RYR3: variants seen among roughly 807,000 people sequenced by gnomAD.
RYR3 encodes brain ryanodine receptor-calcium release channel.
RYR3 carries 207 observed loss-of-function variants against 584.3 expected under a neutral mutation model. The observed-to-expected ratio is 0.35, with a 90% CI of 0.32 to 0.40. RYR3 has a LOEUF of 0.40. Ranked by LOEUF, RYR3 falls within the 10% of genes least tolerant of loss-of-function variation. The pLI is 1.00. For synonymous variants in RYR3, 2,416 were observed against 2,248.5 expected (o/e 1.07, Z -2.11); for missense variants, 5,616 against 6,089.2 (o/e 0.92, Z 2.59).
At chr15:33,607,695 T>C (rs1479309304) in intron 18 of RYR3, among the ~76,000 whole-genome samples, 2 of 152,200 alleles carry the variant, frequency 1.3e-5, no homozygotes, top group African/African-American at 4.8e-5. Flanking sequence ...CAGCCCTCAA[T>C]GCTATAATTT....
Position 33,742,430 on chromosome 15 carries a change from T to G in RYR3, c.7885T>G (p.Trp2629Gly). The G allele has an allele frequency of 6.2e-7, 1 of 1,608,916 alleles. No individual in the cohort carries two copies. The highest frequency in any genetic ancestry group is 8.5e-7 in the Non-Finnish European group (1 of 1,175,288). The change falls in exon 52 of 104, where the codon TGG (tryptophan) becomes GGG (glycine). Residue 2629 changes from tryptophan (W) to glycine (G), a missense_variant. Physicochemically the swap from Trp to Gly is radical, Grantham distance 184. Transcript: ENST00000634891. ...GTATGCTGAGCATTCACATGATAAATGGGCCTGTGACAAGGTAGGGATTAT... is the reference window on the plus strand; with the variant it reads ...GTATGCTGAGCATTCACATGATAAAGGGGCCTGTGACAAGGTAGGGATTAT... ...TKYAEHSHDK[W>G]ACDKSQSGWK...
At chr15:33,717,880 G>A (rs2067618677) in intron 43 of RYR3, among the ~76,000 whole-genome samples, 2 of 152,052 alleles carry the variant, frequency 1.3e-5, no homozygotes, top group Admixed American at 6.5e-5. Flanking sequence ...TTAATAAATG[G>A]GCAAACAATT....
chr15:33,835,096 G>A (rs1047520504), intron 87 of RYR3, 24 bp downstream of exon 87: 16 of 1,544,950 alleles, frequency 1.0e-5, no homozygotes, highest in African/African-American at 6.8e-5. Context: ...TTCCCTGCAC[G>A]TGTCATTGTT....
In RYR3 at chr15:33,731,770, T is replaced by C. The variant is rs1288078489; in HGVS notation, c.7424+76T>C. 3.8e-6 allele frequency: 4 copies of C among 1,043,812 alleles called. No homozygotes were observed. The East Asian group carries it at 7.7e-5, about 20-fold the overall frequency. The allele number at this position is 1,043,812 out of a possible 1,614,324, so 64.7% of individuals were successfully genotyped here. On this transcript the variant is annotated intron_variant, in intron 48 of 103. Transcript: ENST00000634891. ...GCATTTTCCTATGTAATCTAAAAAC[T>C]GGTGGTCTAGTCTAAGGAAGCTTCC... is the stretch of plus-strand genomic sequence containing the variant.
intron 1 of RYR3, among the ~76,000 whole-genome samples, chr15:33,423,135 T>C (rs1353969335): frequency 1.3e-5 from 2 of 152,200 alleles, no homozygotes; most frequent in Admixed American, 1.3e-4. Context: ...ATAGAGACTT[T>C]GCAACCATTA....
intron 1 of RYR3, among the ~76,000 whole-genome samples, chr15:33,316,340 C>G (rs1018641208): frequency 6.6e-6 from 1 of 152,196 alleles, no homozygotes; most frequent in African/African-American, 2.4e-5. Context: ...GCCATCAACT[C>G]CATCATCTTC....
intron 40 of RYR3, 130 bp downstream of exon 40, chr15:33,698,126 A>C: frequency 1.5e-6 from 1 of 665,274 alleles, no homozygotes; most frequent in Non-Finnish European, 2.8e-6. Flanking sequence ...GGATAGGCAC[A>C]GTGCCAAGAA....
At chr15:33,366,411 A>G (rs1205525214) in intron 1 of RYR3, among the ~76,000 whole-genome samples, 1 of 152,188 alleles carries the variant, frequency 6.6e-6, no homozygotes, top group Non-Finnish European at 1.5e-5. Context: ...TGAATGGCAT[A>G]ATAAAAAAAG....
At chr15:33,721,317 C>T (rs755048061) in intron 43 of RYR3, among the ~76,000 whole-genome samples, 5 of 152,170 alleles carry the variant, frequency 3.3e-5, no homozygotes, top group East Asian at 1.9e-4. Flanking sequence ...GACAGGCCTT[C>T]GGAAGACGGC....
intron 1 of RYR3, among the ~76,000 whole-genome samples, chr15:33,369,400 C>T (rs1379655639): frequency 6.6e-6 from 1 of 152,196 alleles, no homozygotes; most frequent in African/African-American, 2.4e-5. Context: ...TTGGTCCTCT[C>T]CCTTTTGTTA....
intron 1 of RYR3, among the ~76,000 whole-genome samples, chr15:33,361,177 G>C (rs550862507): frequency 3.9e-5 from 6 of 152,140 alleles, no homozygotes; most frequent in Admixed American, 6.5e-5. Flanking sequence ...CTTCCATGTA[G>C]ATAGTGAGAA....
At chr15:33,817,355 C>T (rs989035288) in intron 75 of RYR3, among the ~76,000 whole-genome samples, 1 of 152,152 alleles carries the variant, frequency 6.6e-6, no homozygotes, top group African/African-American at 2.4e-5. Flanking sequence ...CTGCATCTTA[C>T]ATTTCTATAT....
At chr15:33,639,331 A>G (rs555352777) in intron 27 of RYR3, among the ~76,000 whole-genome samples, 1 of 152,306 alleles carries the variant, frequency 6.6e-6, no homozygotes. Flanking sequence ...AGACAAGATA[A>G]TTGGAAAGCT....
At chr15:33,579,560 T>G (rs957337054) in intron 12 of RYR3, among the ~76,000 whole-genome samples, 55 of 152,044 alleles carry the variant, frequency 3.6e-4, no homozygotes, top group Non-Finnish European at 8.8e-5. Context: ...CAGGGGTAAA[T>G]GGAAGGGGAA....
intron 42 of RYR3, among the ~76,000 whole-genome samples, chr15:33,701,552 CT>C (rs1453296584): frequency 1.1e-4 from 16 of 152,186 alleles, no homozygotes; most frequent in Non-Finnish European, 2.1e-4. Context: ...CTCACTACGT[CT>C]TTTCCCCATC....
chr15:33,347,539 C>T (rs1455796348), intron 1 of RYR3, among the ~76,000 whole-genome samples: 9 of 151,710 alleles, frequency 5.9e-5, no homozygotes, highest in Non-Finnish European at 8.8e-5. Context: ...CTCCGCCTCC[C>T]GGGGTCATGC....
chr15:33,371,974 C>CA (rs2040365960), intron 1 of RYR3, among the ~76,000 whole-genome samples: 1 of 152,226 alleles, frequency 6.6e-6, no homozygotes, highest in African/African-American at 2.4e-5. Context: ...TGGAAGGCCT[C>CA]AACTGAAGAT....
chr15:33,648,326 A>G (rs1158663143), intron 30 of RYR3, among the ~76,000 whole-genome samples: 2 of 152,226 alleles, frequency 1.3e-5, no homozygotes, highest in Non-Finnish European at 2.9e-5. Flanking sequence ...TTTTTCTTCC[A>G]GTCAAGAAAA....
intron 20 of RYR3, among the ~76,000 whole-genome samples, chr15:33,625,709 A>G (rs956422835): frequency 6.6e-6 from 1 of 152,154 alleles, no homozygotes; most frequent in African/African-American, 2.4e-5. Flanking sequence ...CACTTCTGGG[A>G]AAATAAGTGT....
Sources: gnomAD v4.1 joint callset for allele counts (sites outside exome capture counted in the v4.1 genomes callset) on GRCh38, gnomAD v4.1.1 for gene constraint, MANE v1.5 for transcripts, NCBI Gene and HGNC (gene_info 2026-07-23, HGNC 2026-07-21) for gene names.